The following TBCD variants were observed in gnomAD, a reference collection of about 807,000 sequenced individuals.
TBCD encodes tubulin folding cofactor D, also known as tubulin-specific chaperone D.
In TBCD, 105 loss-of-function variants were observed where a neutral mutation model predicts 169.3. The ratio of observed to expected loss-of-function variants is 0.62; its 90% CI spans 0.53 to 0.73. The LOEUF is 0.73. Among genes scored for constraint, TBCD ranks in the 30% least tolerant of loss-of-function variants. TBCD has a pLI of 0.00. For synonymous variants in TBCD, 700 were observed against 643.9 expected (o/e 1.09, Z -1.32); for missense variants, 1,444 against 1,600.1 (o/e 0.90, Z 1.66).
Position 82,782,063 on chromosome 17 carries a change from A to G in TBCD, c.771+342A>G, listed in dbSNP as rs2048981455. On this transcript the variant is annotated intron_variant, in intron 7 of 38. Transcript: ENST00000355528. The surrounding 1 kb of genome is among the most constrained non-coding windows in gnomAD (Gnocchi z 5.1). ...GCAGAGACTGAACGAGCTCTAATAA[A>G]ACAAGGTGGGTGAGTTGAAATTTGA... Among the ~76,000 whole-genome samples, 1 of 152,126 alleles carries G rather than the reference A, an allele frequency of 6.6e-6. No individual in the cohort carries two copies. Among genetic ancestry groups the G allele is most frequent in the African/African-American group, 2.4e-5 (1 of 41,434 alleles).
At chr17:82,790,571 G>A (rs536623387) in intron 7 of TBCD, among the ~76,000 whole-genome samples, 14 of 152,236 alleles carry the variant, frequency 9.2e-5, no homozygotes, top group African/African-American at 2.9e-4. Context: ...CATGCTCTCC[G>A]TCCTCATGCT....
intron 17 of TBCD, among the ~76,000 whole-genome samples, chr17:82,900,331 G>T (rs549575884): frequency 5.1e-4 from 77 of 152,324 alleles, no homozygotes; most frequent in African/African-American, 1.7e-3. Flanking sequence ...TAGGGTAGTT[G>T]AGATTCAGAT....
chr17:82,856,799 GCATCCAGGGCGGGA>G, intron 13 of TBCD, among the ~76,000 whole-genome samples: 3 of 139,354 alleles, frequency 2.2e-5, no homozygotes, highest in South Asian at 4.9e-4. Context: ...CCCTCGCTGC[GCATCCAGGGCGGGA>G]TCGCTGGACC....
chr17:82,939,045 GGTTA>G (rs1473468221), intron 36 of TBCD: 188 of 388,142 alleles, frequency 4.8e-4, no homozygotes, highest in Non-Finnish European at 8.3e-4. Flanking sequence ...TGAGGGAGCA[GGTTA>G]GTTAATAGAG....
intron 30 of TBCD, among the ~76,000 whole-genome samples, 171 bp from the exon 31 acceptor site, chr17:82,928,942 C>T (rs548676588): frequency 2.0e-5 from 3 of 152,256 alleles, no homozygotes; most frequent in Admixed American, 2.0e-4. Flanking sequence ...TGTGGTTCTT[C>T]CGAGCCAGTG....
At chr17:82,887,458 C>T (rs939988529) in intron 15 of TBCD, among the ~76,000 whole-genome samples, 3 of 152,150 alleles carry the variant, frequency 2.0e-5, no homozygotes, top group African/African-American at 4.8e-5. Flanking sequence ...TGGAGACCCA[C>T]CCCGAGCGTG....
intron 13 of TBCD, among the ~76,000 whole-genome samples, chr17:82,837,922 T>C (rs1942352391): frequency 6.6e-6 from 1 of 152,182 alleles, no homozygotes; most frequent in African/African-American, 2.4e-5. Flanking sequence ...AACAGTGGGG[T>C]GCAGTGGCTT....
At chr17:82,905,343 C>T (rs2060166645) in intron 19 of TBCD, among the ~76,000 whole-genome samples, 1 of 152,252 alleles carries the variant, frequency 6.6e-6, no homozygotes, top group Non-Finnish European at 1.5e-5. Context: ...CCATGTCCAG[C>T]ACACCGCAGC....
intron 36 of TBCD, among the ~76,000 whole-genome samples, chr17:82,938,549 T>C (rs1173175749): frequency 6.6e-6 from 1 of 152,236 alleles, no homozygotes; most frequent in Non-Finnish European, 1.5e-5. Flanking sequence ...GACATTTTCC[T>C]AAAAGGCAAA....
chr17:82,870,141 G>T, intron 13 of TBCD, 83 bp from the exon 14 acceptor site: 1 of 1,584,942 alleles, frequency 6.3e-7, no homozygotes, highest in Non-Finnish European at 8.6e-7. Flanking sequence ...ACCGCGCTCC[G>T]GCCCTGAGCC....
chr17:82,847,376 AAAAG>A (rs1339591401), intron 13 of TBCD, among the ~76,000 whole-genome samples: 76 of 151,654 alleles, frequency 5.0e-4, no homozygotes, highest in Non-Finnish European at 8.0e-4. Flanking sequence ...AAAAAAAAAA[AAAAG>A]AAACAACCCT....
Position 82,906,027 on chromosome 17 carries a change from G to A in TBCD, c.1896G>A (p.Leu632=). 1 of 1,610,280 alleles carries A rather than the reference G, an allele frequency of 6.2e-7. No homozygotes were observed. Among genetic ancestry groups the A allele is most frequent in the Non-Finnish European group, 8.5e-7 (1 of 1,178,292 alleles). ...ILACAEVAYA[L]YKLAAQENRP... is the part of the protein sequence containing the mutation. ...CCTGCGCAGAAGTTGCTTACGCCTTGTACAAACTTGCAGCCCAAGAGAACA... is the reference window on the plus strand; with the variant it reads ...CCTGCGCAGAAGTTGCTTACGCCTTATACAAACTTGCAGCCCAAGAGAACA... The change falls in exon 20 of 39, where the codon TTG becomes TTA. Residue 632 remains leucine, a synonymous_variant. Coordinates refer to ENST00000355528, the MANE Select transcript of TBCD (RefSeq NM_005993.5).
At chr17:82,769,051 C>T (rs1365497896) in intron 5 of TBCD, among the ~76,000 whole-genome samples, 1 of 152,184 alleles carries the variant, frequency 6.6e-6, no homozygotes, top group East Asian at 1.9e-4. Flanking sequence ...TATTAGTTAT[C>T]TATTGGATCA....
At chr17:82,791,961 A>C (rs2049764600) in intron 7 of TBCD, among the ~76,000 whole-genome samples, 1 of 152,242 alleles carries the variant, frequency 6.6e-6, no homozygotes, top group Non-Finnish European at 1.5e-5. Context: ...TGAATACTGC[A>C]GGGAACTGTA....
At chr17:82,901,229 G>A (rs553871870) in intron 18 of TBCD, among the ~76,000 whole-genome samples, 27 of 152,344 alleles carry the variant, frequency 1.8e-4, no homozygotes, top group African/African-American at 6.3e-4. Context: ...GTGAAGTGCG[G>A]TCTGGAGCAT....
At chr17:82,888,111 G>A (rs1029735430) in intron 15 of TBCD, among the ~76,000 whole-genome samples, 1 of 152,092 alleles carries the variant, frequency 6.6e-6, no homozygotes, top group Non-Finnish European at 1.5e-5. Flanking sequence ...TTTTGTTTTT[G>A]TGGCTCATGT....
intron 2 of TBCD, among the ~76,000 whole-genome samples, chr17:82,762,315 C>CAA (rs35386796): frequency 0.036 from 3,259 of 91,162 alleles, 260 homozygotes; most frequent in African/African-American, 0.13. Context: ...GACTCCGTCT[C>CAA]AAAAAAAAAA....
intron 12 of TBCD, among the ~76,000 whole-genome samples, chr17:82,813,265 C>T (rs914303412): frequency 3.9e-5 from 6 of 152,124 alleles, no homozygotes; most frequent in Non-Finnish European, 7.4e-5. Flanking sequence ...ACTCTTTACC[C>T]GCCTCCTCTC....
Position 82,831,416 on chromosome 17 carries a change from A to T in TBCD, c.1318+16482A>T. 2 of 1,614,036 alleles carry T rather than the reference A, an allele frequency of 1.2e-6. No homozygotes were observed. The highest frequency in any genetic ancestry group is 1.1e-5 in the South Asian group (1 of 91,058). The stretch of plus-strand genomic sequence containing the variant: ...AGGGTGGCTTCTTCAAGCAGGTGAG[A>T]GCTCTGATCTCGGGTGAGGCCAGTG... On this transcript the variant is annotated intron_variant, in intron 13 of 38. Transcript: ENST00000355528. This position sits in a 1 kb window ranked among gnomAD's most constrained non-coding sequence, Gnocchi z 4.6.
Sources: allele counts gnomAD v4.1 joint callset (sites outside exome capture counted in the v4.1 genomes callset), GRCh38; gene constraint gnomAD v4.1.1; non-coding constraint Gnocchi (gnomAD v3.1); transcripts MANE v1.5; gene names NCBI Gene and HGNC (gene_info 2026-07-23, HGNC 2026-07-21).